FGD1: variants seen among roughly 807,000 people sequenced by gnomAD.
FGD1 encodes the protein FYVE, RhoGEF and PH domain containing 1.
Under a neutral mutation model 65.0 loss-of-function variants are expected in FGD1, and 12 were observed. The ratio of observed to expected loss-of-function variants is 0.18; its 90% confidence interval spans 0.12 to 0.30. The LOEUF (loss-of-function observed/expected upper bound fraction) is 0.30, where lower values mean the gene tolerates loss of function less well. Ranked by LOEUF, FGD1 falls within the 10% of genes least tolerant of loss-of-function variation. The pLI, the probability that FGD1 is intolerant of heterozygous loss-of-function variation, is 1.00. For missense variants in FGD1, 542 were observed against 837.6 expected (o/e 0.65, Z 4.36); for synonymous variants, 333 against 343.9 (o/e 0.97, Z 0.35).
intron 16 of FGD1, among the ~76,000 whole-genome samples, chrX:54,447,917 GA>G (rs1922272218): frequency 8.9e-6 from 1 of 111,944 alleles, no homozygotes; most frequent in Non-Finnish European, 1.9e-5. Context: ...AGAGCAAAGA[GA>G]GCTGATGTGA....
At chrX:54,452,944 A>G (rs1312699292) in intron 12 of FGD1, among the ~76,000 whole-genome samples, 1 of 111,291 alleles carries the variant, frequency 9.0e-6, no homozygotes, top group Non-Finnish European at 1.9e-5. Context: ...AGTTGTGGGC[A>G]TCTGGGTGCT....
In FGD1 at chrX:54,470,549, T is replaced by C. The variant is rs1226342420; in HGVS notation, c.659+34A>G. 9 of 1,189,540 alleles carry C rather than the reference T, an allele frequency of 7.6e-6. No individual in the cohort carries two copies. In the African/African-American group the frequency reaches 1.6e-4, roughly 21 times the overall value. On this transcript the variant is annotated intron_variant, in intron 3 of 17. Coordinates refer to ENST00000375135, the MANE Select transcript of FGD1 (RefSeq NM_004463.3). ...TCCCTTCCTGTCCCAGGCTCCCCCT[T>C]TCCCCTAGAGGGTGCCCTAGGGACC...
chrX:54,449,658 C>G lies in FGD1; in HGVS notation c.2148+1G>C. 8.5e-7 allele frequency: 1 copy of G among 1,175,822 alleles called. No homozygotes were observed. The highest frequency in any genetic ancestry group is 1.2e-6 in the Non-Finnish European group (1 of 865,877). ...AGGGGAAAGAGGGCGGGGACTCTTA[C>G]TGGAGAGTTGGGTGGGGTGTCTTCA... On this transcript the variant is annotated splice_donor_variant, in intron 14 of 17. Coordinates refer to ENST00000375135, the MANE Select transcript of FGD1 (RefSeq NM_004463.3). LOFTEE classifies it high-confidence loss of function.
At chrX:54,462,533 C>T (rs1171316169) in intron 8 of FGD1, among the ~76,000 whole-genome samples, 3 of 107,156 alleles carry the variant, frequency 2.8e-5, no homozygotes, top group Non-Finnish European at 5.8e-5. Context: ...GCTGGGATTA[C>T]AGGCACGGCC....
At position 54,470,512 on chromosome X, in the gene FGD1, C is replaced by T. The variant is rs187495056; in HGVS notation, c.660-55G>A. 82 of 1,173,360 alleles carry T rather than the reference C, an allele frequency of 7.0e-5. 1 individual carries two copies. In the Admixed American group the frequency reaches 1.8e-3, roughly 25 times the overall value. Reference sequence around the variant, plus strand: ...CAGGGTATGAGCTTGACTGAGAGGCCTCTCCTGACTATCCCTTCCTGTCCC... The same window carrying T: ...CAGGGTATGAGCTTGACTGAGAGGCTTCTCCTGACTATCCCTTCCTGTCCC... On this transcript the variant is annotated intron_variant, in intron 3 of 17. Transcript: ENST00000375135.
intron 8 of FGD1, among the ~76,000 whole-genome samples, chrX:54,460,748 TAATA>T (rs1467076860): frequency 4.5e-5 from 5 of 111,790 alleles, no homozygotes; most frequent in Non-Finnish European, 7.5e-5. Context: ...CTCAAAAAAA[TAATA>T]AATAAATAAA....
chrX:54,468,139 T>C (rs1387916393), intron 5 of FGD1, among the ~76,000 whole-genome samples: 1 of 111,688 alleles, frequency 9.0e-6, no homozygotes, highest in Non-Finnish European at 1.9e-5. Flanking sequence ...CCCCCACACT[T>C]GAGCTTGGTC....
intron 16 of FGD1, among the ~76,000 whole-genome samples, chrX:54,448,395 A>G (rs963308824): frequency 1.8e-5 from 2 of 111,024 alleles, no homozygotes; most frequent in Admixed American, 9.6e-5. Context: ...CACATTGGTC[A>G]GGCTGGTCCT....
intron 13 of FGD1, among the ~76,000 whole-genome samples, 157 bp from the exon 14 acceptor site, chrX:54,449,917 C>G (rs1601948875): frequency 9.0e-6 from 1 of 111,225 alleles, no homozygotes; most frequent in Non-Finnish European, 1.9e-5. Context: ...AACAAATCCC[C>G]TCCCAAATCC....
chrX:54,452,334 G>T (rs1384730726), intron 12 of FGD1, among the ~76,000 whole-genome samples: 1 of 107,577 alleles, frequency 9.3e-6, no homozygotes. Context: ...ATGCTGAAGT[G>T]TATAGGGGTG....
intron 8 of FGD1, among the ~76,000 whole-genome samples, chrX:54,461,062 T>C (rs1922618212): frequency 8.9e-6 from 1 of 111,827 alleles, no homozygotes; most frequent in South Asian, 3.7e-4. Context: ...TGGAGCCCAC[T>C]CTAGGTTGCT....
rs201843295 is a variant in FGD1, at chrX:54,470,715, G to C, written c.527C>G (p.Pro176Arg). 3 of 998,116 alleles carry C rather than the reference G, an allele frequency of 3.0e-6. No individual in the cohort carries two copies. The highest frequency in any genetic ancestry group is 3.9e-5 in the African/African-American group (2 of 51,649). The allele number at this position is 998,116 out of a possible 1,213,427, so 82.3% of individuals were successfully genotyped here. Residue 176 changes from proline (P) to arginine (R), a missense_variant, in exon 3 of 18, where the codon CCA becomes CGA. Pro to Arg is a moderately radical substitution (Grantham distance 103). Around this residue, in one of 6 missense-constraint regions of FGD1, gnomAD observed 297 missense variants for 326.8 expected, o/e 0.91. Transcript: ENST00000375135. ...TGGTGGAGGGGGGATGGGCTCCAGT[G>C]GGGGGGGCATCCGGGGCATCTGCAG... ...SYLQMPRMPP[P>R]LEPIPPPPSR... is the part of the protein sequence containing the mutation.
intron 1 of FGD1, among the ~76,000 whole-genome samples, chrX:54,475,414 A>G (rs1386535623): frequency 9.0e-6 from 1 of 111,717 alleles, no homozygotes; most frequent in Non-Finnish European, 1.9e-5. Flanking sequence ...GGGCGGGTGG[A>G]CCCAACGGCT....
chrX:54,449,051 TC>T (rs1057418327), intron 15 of FGD1, 84 bp from the exon 16 acceptor site: 418 of 1,194,869 alleles, frequency 3.5e-4, no homozygotes, highest in Non-Finnish European at 4.4e-4. Context: ...ACTTGTGGCC[TC>T]CCCCCACTTG....
intron 12 of FGD1, among the ~76,000 whole-genome samples, chrX:54,451,350 T>A (rs1281908965): frequency 9.3e-6 from 1 of 108,051 alleles, no homozygotes; most frequent in Non-Finnish European, 1.9e-5. Context: ...AGTGGCGTGA[T>A]CTCAGCTTAC....
At chrX:54,478,266 T>A (rs1393905105) in intron 1 of FGD1, among the ~76,000 whole-genome samples, 1 of 111,572 alleles carries the variant, frequency 9.0e-6, no homozygotes, top group Non-Finnish European at 1.9e-5. Flanking sequence ...GTAGCCAGAG[T>A]TCCCCCAGAC....
At chrX:54,461,600 C>CAAAAAAAAAAAAA (rs1165040158) in intron 8 of FGD1, among the ~76,000 whole-genome samples, 28 of 17,932 alleles carry the variant, frequency 1.6e-3, no homozygotes, top group Non-Finnish European at 2.9e-3. Flanking sequence ...GACTCTGTCT[C>CAAAAAAAAAAAAA]AAAAAAAAAA....
At chrX:54,475,840 G>C (rs770921615) in intron 1 of FGD1, among the ~76,000 whole-genome samples, 1 of 112,246 alleles carries the variant, frequency 8.9e-6, no homozygotes, top group South Asian at 3.8e-4. Flanking sequence ...GCTGAGGTGG[G>C]TGGATCACCT....
chrX:54,486,253 A>AC (rs372866998), intron 1 of FGD1, among the ~76,000 whole-genome samples: 8,164 of 94,655 alleles, frequency 0.086, 674 homozygotes, highest in African/African-American at 0.27. Flanking sequence ...TACCTGGATG[A>AC]TTTTTTTTTT....
Sources: allele counts gnomAD v4.1 joint callset (sites outside exome capture counted in the v4.1 genomes callset), GRCh38; gene constraint gnomAD v4.1.1; regional missense constraint gnomAD v4.1.1; transcripts MANE v1.5; gene names NCBI Gene and HGNC (gene_info 2026-07-23, HGNC 2026-07-21).